HAT1: variants seen among roughly 807,000 people sequenced by gnomAD.
HAT1 encodes histone acetyltransferase 1, also known as histone acetyltransferase type B catalytic subunit.
HAT1 carries 20 observed loss-of-function variants against 56.6 expected under a neutral mutation model. That is an observed-to-expected ratio of 0.35 (90% CI 0.25 to 0.51). The LOEUF is 0.51. HAT1 is among the 20% of genes least tolerant of loss of function. The pLI is 0.95. For missense variants in HAT1, 408 were observed against 504.3 expected (o/e 0.81, Z 1.83); for synonymous variants, 146 against 165.5 (o/e 0.88, Z 0.91).
chr2:171,935,182 G>A (rs1295604532), intron 2 of HAT1, among the ~76,000 whole-genome samples: 1 of 151,960 alleles, frequency 6.6e-6, no homozygotes, highest in Non-Finnish European at 1.5e-5. Context: ...GGAAAACGAG[G>A]ATATGAAGTA....
intron 10 of HAT1, 63 bp from the exon 11 acceptor site, chr2:171,983,122 T>C: frequency 1.0e-6 from 1 of 973,272 alleles, no homozygotes; most frequent in Non-Finnish European, 1.5e-6. Flanking sequence ...AGACTTAAAA[T>C]TGTAAGACTA....
At chr2:171,938,054 C>T (rs1317503032) in intron 2 of HAT1, among the ~76,000 whole-genome samples, 11 of 150,420 alleles carry the variant, frequency 7.3e-5, no homozygotes, top group Non-Finnish European at 1.6e-4. Context: ...CTCTCTCTCT[C>T]TCTCTCTCTC....
rs146501072 is a variant in HAT1, at chr2:171,938,989, C to T, written c.113-7719C>T. Reference sequence around the variant, plus strand: ...CCCCTGGACTCAAGCAATTCGCCTGCCTTGGCCTCCCAAAGTGCTGGGATT... The same window carrying T: ...CCCCTGGACTCAAGCAATTCGCCTGTCTTGGCCTCCCAAAGTGCTGGGATT... On this transcript the variant is annotated intron_variant, in intron 2 of 10. Coordinates refer to ENST00000264108, the MANE Select transcript of HAT1 (RefSeq NM_003642.4). Among the ~76,000 whole-genome samples the T allele has an allele frequency of 9.2e-5, 14 of 152,262 alleles. No individual in the cohort carries two copies. The East Asian group carries it at 2.7e-3, about 29-fold the overall frequency.
chr2:171,932,267 T>TATC (rs1686767593), intron 2 of HAT1, among the ~76,000 whole-genome samples: 1 of 152,162 alleles, frequency 6.6e-6, no homozygotes, highest in Admixed American at 6.5e-5. Flanking sequence ...TTGATTTTGG[T>TATC]ATCAAGGTTT....
intron 4 of HAT1, among the ~76,000 whole-genome samples, chr2:171,961,268 A>G (rs7602037): frequency 0.7 from 106,083 of 151,988 alleles, 37,247 homozygotes; most frequent in South Asian, 0.82. Flanking sequence ...TTACACTACT[A>G]CATTCCAGCC....
intron 3 of HAT1, among the ~76,000 whole-genome samples, chr2:171,951,426 T>C (rs1687305047): frequency 6.6e-6 from 1 of 152,076 alleles, no homozygotes. Flanking sequence ...TAGTGCTTCT[T>C]TTTAATTTTT....
rs1246261462 is a variant in HAT1 at position 171,922,772 on chromosome 2, C to T, written c.7+265C>T. ...GAGGGCCGAAGACGCCAGGGAAAAGCGTCATGATTTGGGCTCGTAAAATGC... is the reference window on the plus strand; with the variant it reads ...GAGGGCCGAAGACGCCAGGGAAAAGTGTCATGATTTGGGCTCGTAAAATGC... On this transcript the variant is annotated intron_variant, in intron 1 of 10. Transcript: ENST00000264108. 4 of 391,702 alleles carry T rather than the reference C, an allele frequency of 1.0e-5. No homozygotes were observed. The Admixed American group carries it at 1.8e-4, about 17-fold the overall frequency. The allele number at this position is 391,702 out of a possible 1,614,324, so 24.3% of individuals were successfully genotyped here. A position where few individuals can be genotyped will look rare whatever the true frequency, so the allele number is the denominator to read the frequency against.
At chr2:171,972,394 T>C (rs1321690084) in intron 8 of HAT1, among the ~76,000 whole-genome samples, 1 of 152,128 alleles carries the variant, frequency 6.6e-6, no homozygotes, top group Non-Finnish European at 1.5e-5. Flanking sequence ...CCCAAGTAGC[T>C]GGAACTACAG....
intron 1 of HAT1, chr2:171,923,928 T>C (rs377335722): frequency 1.4e-4 from 21 of 152,250 alleles, no homozygotes; most frequent in African/African-American, 4.8e-4. Context: ...CAGGTTAAAT[T>C]TTGTTGCTTA....
At chr2:171,954,514 C>T (rs951310896) in intron 4 of HAT1, among the ~76,000 whole-genome samples, 16 of 152,160 alleles carry the variant, frequency 1.1e-4, no homozygotes, top group South Asian at 8.3e-4. Flanking sequence ...GGCAAAACCC[C>T]GTCTCTACTA....
intron 2 of HAT1, among the ~76,000 whole-genome samples, chr2:171,943,949 A>G (rs1687092565): frequency 6.6e-6 from 1 of 151,988 alleles, no homozygotes; most frequent in Non-Finnish European, 1.5e-5. Flanking sequence ...GAAATTGGAT[A>G]CGAGCCTGGG....
At chr2:171,927,628 G>A (rs1184126661) in intron 2 of HAT1, among the ~76,000 whole-genome samples, 5 of 152,062 alleles carry the variant, frequency 3.3e-5, no homozygotes, top group South Asian at 2.1e-4. Context: ...TCACTCAGTC[G>A]CCCAGGTAGA....
intron 2 of HAT1, among the ~76,000 whole-genome samples, chr2:171,944,872 A>G (rs1385698717): frequency 6.6e-6 from 1 of 152,032 alleles, no homozygotes; most frequent in African/African-American, 2.4e-5. Flanking sequence ...TCTACAGTTT[A>G]TCTTCTTTTT....
chr2:171,946,647 C>G, intron 2 of HAT1, 61 bp from the exon 3 acceptor site: 1 of 941,114 alleles, frequency 1.1e-6, no homozygotes, highest in South Asian at 1.4e-5. Flanking sequence ...ATAGGAATAC[C>G]TGTCACCTTC....
intron 2 of HAT1, among the ~76,000 whole-genome samples, chr2:171,929,385 T>C (rs571409490): frequency 6.6e-6 from 1 of 152,372 alleles, no homozygotes; most frequent in South Asian, 2.1e-4. Context: ...GCAGATTACA[T>C]GTTTTGTGCA....
chr2:171,952,122 G>T (rs1687323307), intron 3 of HAT1, among the ~76,000 whole-genome samples: 1 of 152,100 alleles, frequency 6.6e-6, no homozygotes, highest in African/African-American at 2.4e-5. Context: ...AATGTATTCA[G>T]AGTTGTGCAA....
chr2:171,956,981 C>T (rs1244664094), intron 4 of HAT1, among the ~76,000 whole-genome samples: 1 of 152,148 alleles, frequency 6.6e-6, no homozygotes, highest in East Asian at 1.9e-4. Flanking sequence ...TCATGGATCT[C>T]CTCAGTTGTC....
At chr2:171,951,595 T>TC (rs1687310028) in intron 3 of HAT1, among the ~76,000 whole-genome samples, 1 of 150,790 alleles carries the variant, frequency 6.6e-6, no homozygotes, top group African/African-American at 2.4e-5. Flanking sequence ...ATTTTTTTTT[T>TC]TTTTTTTTTG....
Position 171,935,515 on chromosome 2 carries a change from C to CAAA in HAT1, c.112+9895_112+9897dup, listed in dbSNP as rs56220004. 3.5e-3 allele frequency among the ~76,000 whole-genome samples: 195 copies of CAAA among 55,568 alleles called. 3 individuals are homozygous for CAAA. The highest frequency in any genetic ancestry group is 9.5e-3 in the African/African-American group (137 of 14,462). The allele number at this position is 55,568 out of a possible 152,430, so 36.5% of individuals were successfully genotyped here. A position where few individuals can be genotyped will look rare whatever the true frequency, so the allele number is the denominator to read the frequency against. On this transcript the variant is annotated intron_variant, in intron 2 of 10. Transcript: ENST00000264108. ...GGGCAACAAGAGCAAAACTCCATCT[C>CAAA]AAAAAAAAAAAAAAAAAAAAAAAGA...
Sources: gnomAD v4.1 joint callset for allele counts (sites outside exome capture counted in the v4.1 genomes callset) on GRCh38, gnomAD v4.1.1 for gene constraint, MANE v1.5 for transcripts, NCBI Gene and HGNC (gene_info 2026-07-23, HGNC 2026-07-21) for gene names.